GLCE: variants seen among roughly 807,000 people sequenced by gnomAD.
GLCE encodes the protein D-glucuronyl C5-epimerase.
In GLCE, 19 loss-of-function variants were observed where a neutral mutation model predicts 47.9. The observed-to-expected ratio is 0.40, with a 90% CI of 0.28 to 0.58. GLCE has a LOEUF of 0.58. Ranked by LOEUF, GLCE falls within the 20% of genes least tolerant of loss-of-function variation. GLCE has a pLI of 0.48. For missense variants in GLCE, 556 were observed against 743.3 expected (o/e 0.75, Z 2.93); for synonymous variants, 245 against 263.4 (o/e 0.93, Z 0.68).
chr15:69,198,068 T>C (rs2052021506), intron 1 of GLCE, among the ~76,000 whole-genome samples: 1 of 152,184 alleles, frequency 6.6e-6, no homozygotes, highest in South Asian at 2.1e-4. Context: ...TTTATATACA[T>C]ATCCTTTCTT....
intron 2 of GLCE, among the ~76,000 whole-genome samples, chr15:69,245,740 G>GT (rs1437481360): frequency 1.3e-5 from 2 of 151,260 alleles, no homozygotes. Context: ...TTTCTTTTTT[G>GT]TTTTTTGAGA....
intron 1 of GLCE, among the ~76,000 whole-genome samples, chr15:69,191,126 A>G (rs937793982): frequency 1.3e-5 from 2 of 152,094 alleles, no homozygotes; most frequent in Non-Finnish European, 2.9e-5. Flanking sequence ...TTTTATAGTT[A>G]CCCACATATT....
At position 69,215,693 on chromosome 15, in the gene GLCE, A is replaced by T. The variant is rs144487797; in HGVS notation, c.-14+5287A>T. 5.4e-3 allele frequency among the ~76,000 whole-genome samples: 820 copies of T among 152,214 alleles called. 11 individuals are homozygous for T. The highest frequency in any genetic ancestry group is 0.019 in the African/African-American group (788 of 41,522). On this transcript the variant is annotated intron_variant, in intron 2 of 4. Coordinates refer to ENST00000261858, the MANE Select transcript of GLCE (RefSeq NM_015554.3). The stretch of plus-strand genomic sequence containing the variant: ...TTAAACTATTTCTAAGTGAATATAC[A>T]ATTTTGCATTCCTGCCACCAATATA...
chr15:69,222,555 A>G (rs2052392230), intron 2 of GLCE, among the ~76,000 whole-genome samples: 1 of 152,188 alleles, frequency 6.6e-6, no homozygotes, highest in Admixed American at 6.5e-5. Context: ...TAGGGCCTTG[A>G]ACATATCCTG....
chr15:69,178,609 A>G (rs1382977029), intron 1 of GLCE, among the ~76,000 whole-genome samples: 1 of 152,142 alleles, frequency 6.6e-6, no homozygotes, highest in African/African-American at 2.4e-5. Flanking sequence ...ATGCAAATTT[A>G]AACAGGAGAA....
intron 2 of GLCE, among the ~76,000 whole-genome samples, chr15:69,249,636 G>GA (rs201764719): frequency 1.3e-5 from 2 of 151,758 alleles, no homozygotes; most frequent in African/African-American, 2.4e-5. Flanking sequence ...TTATTCGAGG[G>GA]AAAAAAAGCC....
At chr15:69,167,500 C>T (rs2051522553) in intron 1 of GLCE, among the ~76,000 whole-genome samples, 2 of 152,150 alleles carry the variant, frequency 1.3e-5, no homozygotes, top group African/African-American at 4.8e-5. Context: ...TGATCTTATG[C>T]CTGCTGAGTT....
chr15:69,247,951 A>C (rs2052777265), intron 2 of GLCE, among the ~76,000 whole-genome samples: 1 of 152,348 alleles, frequency 6.6e-6, no homozygotes, highest in South Asian at 2.1e-4. Flanking sequence ...TATAATTATG[A>C]GAAAATATTA....
intron 1 of GLCE, among the ~76,000 whole-genome samples, chr15:69,208,978 G>C (rs8042591): frequency 0.7 from 106,184 of 151,888 alleles, 37,981 homozygotes; most frequent in Admixed American, 0.77. Flanking sequence ...CAATCTTTCT[G>C]TATGTTCAGA....
intron 1 of GLCE, chr15:69,197,122 C>G (rs190291154): frequency 8.3e-6 from 3 of 362,846 alleles, no homozygotes; most frequent in South Asian, 4.6e-5. Context: ...CAGCATTGAT[C>G]AACATAAAGG....
chr15:69,232,349 T>C (rs2052537002), intron 2 of GLCE, among the ~76,000 whole-genome samples: 1 of 152,156 alleles, frequency 6.6e-6, no homozygotes, highest in Admixed American at 6.5e-5. Flanking sequence ...TTTCAAGCAA[T>C]GGCTCCTGAG....
At chr15:69,166,453 A>G (rs1169483171) in intron 1 of GLCE, among the ~76,000 whole-genome samples, 1 of 152,248 alleles carries the variant, frequency 6.6e-6, no homozygotes, top group Non-Finnish European at 1.5e-5. Flanking sequence ...AAAAAGCTAA[A>G]GTAGACAATT....
At position 69,240,662 on chromosome 15, in the gene GLCE, A is replaced by C. The variant is rs568239042; in HGVS notation, c.-13-15132A>C. On this transcript the variant is annotated intron_variant, in intron 2 of 4. Coordinates refer to ENST00000261858, the MANE Select transcript of GLCE (RefSeq NM_015554.3). ...ATAAGAAACAATAAAATAGAAACTA[A>C]ATAGGCAGTATATAGATTAAACTGT... 7.9e-5 allele frequency among the ~76,000 whole-genome samples: 12 copies of C among 152,300 alleles called. No homozygotes were observed. The South Asian group carries it at 2.1e-3, about 26-fold the overall frequency.
intron 1 of GLCE, chr15:69,197,395 C>T: frequency 5.0e-6 from 1 of 200,922 alleles, no homozygotes; most frequent in East Asian, 1.2e-4. Context: ...ACTTATTTCT[C>T]ATTGGCAAAA....
At chr15:69,235,539 T>C (rs1370622528) in intron 2 of GLCE, among the ~76,000 whole-genome samples, 1 of 152,196 alleles carries the variant, frequency 6.6e-6, no homozygotes, top group Non-Finnish European at 1.5e-5. Flanking sequence ...AAAACTACTT[T>C]ATAAAGCAGA....
At chr15:69,181,869 A>G (rs1401130757) in intron 1 of GLCE, among the ~76,000 whole-genome samples, 2 of 151,478 alleles carry the variant, frequency 1.3e-5, no homozygotes, top group African/African-American at 4.9e-5. Context: ...TTGATGGGAT[A>G]GACGAAGAGG....
intron 1 of GLCE, among the ~76,000 whole-genome samples, chr15:69,181,905 G>A (rs565940494): frequency 1.6e-4 from 24 of 152,002 alleles, no homozygotes; most frequent in South Asian, 6.2e-4. Context: ...GGGATCTAGT[G>A]TGTAAGTAAA....
chr15:69,190,508 C>A (rs2140351897), intron 1 of GLCE, among the ~76,000 whole-genome samples: 1 of 152,110 alleles, frequency 6.6e-6, no homozygotes, highest in Non-Finnish European at 1.5e-5. Flanking sequence ...TGAATTCATC[C>A]CTTTACTCAT....
At chr15:69,243,076 AG>A (rs1466714054) in intron 2 of GLCE, among the ~76,000 whole-genome samples, 54 of 148,744 alleles carry the variant, frequency 3.6e-4, no homozygotes, top group African/African-American at 1.3e-3. Context: ...AAAAAAAAAA[AG>A]AAAGAAAGAA....
Sources: allele counts gnomAD v4.1 joint callset (sites outside exome capture counted in the v4.1 genomes callset), GRCh38; gene constraint gnomAD v4.1.1; transcripts MANE v1.5; gene names NCBI Gene and HGNC (gene_info 2026-07-23, HGNC 2026-07-21).